The following MAST4 variants were observed in gnomAD, a reference collection of about 807,000 sequenced individuals.
MAST4 encodes the protein microtubule associated serine/threonine kinase family member 4.
Under a neutral mutation model 162.7 loss-of-function variants are expected in MAST4, and 89 were observed. The observed-to-expected ratio is 0.55, with a 90% confidence interval of 0.46 to 0.65. MAST4 has a LOEUF of 0.65. Ranked by LOEUF, MAST4 falls within the 30% of genes least tolerant of loss-of-function variation. The pLI is 0.00. For missense variants in MAST4, 3,153 were observed against 3,374.0 expected, an observed-to-expected ratio of 0.93 and a Z score of 1.62; for synonymous variants, 1,479 against 1,361.1, an observed-to-expected ratio of 1.09 and a Z score of -1.91.
chr5:66,853,500 T>C (rs1013892473), intron 3 of MAST4, among the ~76,000 whole-genome samples: 2 of 152,182 alleles, frequency 1.3e-5, no homozygotes, highest in African/African-American at 4.8e-5. Flanking sequence ...CTTGTTAGTA[T>C]ATGGTGAGAG....
intron 4 of MAST4, among the ~76,000 whole-genome samples, chr5:66,989,045 G>A (rs753592244): frequency 6.6e-6 from 1 of 152,120 alleles, no homozygotes; most frequent in Non-Finnish European, 1.5e-5. Flanking sequence ...GAATTCCCCA[G>A]TGTGTGTGAG....
intron 4 of MAST4, among the ~76,000 whole-genome samples, chr5:66,982,917 G>T (rs147142521): frequency 6.6e-6 from 1 of 152,274 alleles, no homozygotes; most frequent in East Asian, 1.9e-4. Flanking sequence ...TGTCTAGCTG[G>T]ATTTAGTTTT....
chr5:66,931,878 A>T (rs757312644), intron 4 of MAST4, among the ~76,000 whole-genome samples: 18 of 152,138 alleles, frequency 1.2e-4, no homozygotes, highest in Non-Finnish European at 2.5e-4. Flanking sequence ...GTGTGATCTC[A>T]CCAAAGCTTT....
At chr5:66,912,415 T>C (rs1186658019) in intron 4 of MAST4, among the ~76,000 whole-genome samples, 1 of 152,228 alleles carries the variant, frequency 6.6e-6, no homozygotes, top group Non-Finnish European at 1.5e-5. Flanking sequence ...GTTTTTCTTA[T>C]GTCTAGAATA....
chr5:67,145,471 A>C, intron 23 of MAST4, 92 bp downstream of exon 23: 1 of 1,012,634 alleles, frequency 9.9e-7, no homozygotes, highest in Non-Finnish European at 1.5e-6. Flanking sequence ...CAGGCAGTAA[A>C]GATGGGTGTT....
chr5:66,599,918 G>T (rs112385313), intron 1 of MAST4, among the ~76,000 whole-genome samples: 3 of 149,974 alleles, frequency 2.0e-5, no homozygotes, highest in Non-Finnish European at 4.5e-5. Flanking sequence ...TTTCTAAAGG[G>T]GTGTGTGTGT....
At chr5:66,788,607 C>CCCAGCACAAAA in intron 2 of MAST4, 63 bp from the exon 3 acceptor site, 1 of 1,373,728 alleles carries the variant, frequency 7.3e-7, no homozygotes, top group Non-Finnish European at 1.0e-6. Context: ...CCCCCACCCC[C>CCCAGCACAAAA]ATTGCAATAA....
At chr5:67,038,198 G>T (rs1380949704) in intron 4 of MAST4, among the ~76,000 whole-genome samples, 1 of 149,624 alleles carries the variant, frequency 6.7e-6, no homozygotes, top group African/African-American at 2.5e-5. Flanking sequence ...TAGTTTAGAT[G>T]ATTTTATATG....
chr5:66,916,034 G>C (rs1319118043), intron 4 of MAST4, among the ~76,000 whole-genome samples: 2 of 152,192 alleles, frequency 1.3e-5, no homozygotes, highest in Non-Finnish European at 2.9e-5. Flanking sequence ...TTGCAATGCG[G>C]CTAGGCCAAA....
chr5:66,991,993 G>A (rs1750113217), intron 4 of MAST4, among the ~76,000 whole-genome samples: 1 of 152,324 alleles, frequency 6.6e-6, no homozygotes, highest in East Asian at 1.9e-4. Flanking sequence ...CATGGAGCAA[G>A]TTACTAAAGA....
rs1773584249 is a variant in MAST4 at position 67,164,177 on chromosome 5, G to A, written c.4998G>A (p.Lys1666=). 6.2e-7 allele frequency: 1 copy of A among 1,611,384 alleles called. No homozygotes were observed. The highest frequency in any genetic ancestry group is 8.5e-7 in the Non-Finnish European group (1 of 1,178,808). ...GISGKGEGTE[K]SSQAKELLRC... is the part of the protein sequence containing the mutation. ...CTGGGAAGGGGGAAGGCACGGAGAA[G>A]TCCTCCCAGGCCAAGGAGCTTCTCC... The change falls in exon 29 of 29, where the codon AAG becomes AAA. Residue 1666 remains lysine, a synonymous_variant. Transcript: ENST00000403625. The surrounding 1 kb of genome is among the most constrained non-coding windows in gnomAD (Gnocchi z 5.3).
chr5:67,083,940 G>A (rs191296713), intron 5 of MAST4, among the ~76,000 whole-genome samples: 58 of 152,234 alleles, frequency 3.8e-4, no homozygotes, highest in Admixed American at 3.6e-3. Context: ...CTTTACTTGG[G>A]ATCACCTTGA....
chr5:66,784,138 C>G (rs913070422), intron 2 of MAST4, among the ~76,000 whole-genome samples: 3 of 152,094 alleles, frequency 2.0e-5, no homozygotes, highest in Non-Finnish European at 2.9e-5. Context: ...GCTTTTCAAC[C>G]TAGGACGTAG....
At chr5:66,624,513 A>T (rs2149412088) in intron 1 of MAST4, among the ~76,000 whole-genome samples, 1 of 148,988 alleles carries the variant, frequency 6.7e-6, no homozygotes, top group African/African-American at 2.5e-5. Flanking sequence ...CAAACTCTCA[A>T]TGGTATCTTT....
At chr5:66,701,701 G>A (rs564707099) in intron 1 of MAST4, among the ~76,000 whole-genome samples, 54 of 152,262 alleles carry the variant, frequency 3.5e-4, no homozygotes, top group African/African-American at 1.3e-3. Context: ...AAAAAATAAG[G>A]TCAGGTCCTG....
At chr5:67,051,216 G>C (rs1433437630) in intron 4 of MAST4, among the ~76,000 whole-genome samples, 1 of 148,996 alleles carries the variant, frequency 6.7e-6, no homozygotes, top group East Asian at 2.0e-4. Context: ...AATTGACTTA[G>C]TTGTGCTGGT....
At chr5:67,036,374 A>G (rs1171301232) in intron 4 of MAST4, among the ~76,000 whole-genome samples, 1 of 152,182 alleles carries the variant, frequency 6.6e-6, no homozygotes, top group East Asian at 1.9e-4. Context: ...CTAGAGTACA[A>G]GCATACCTAC....
chr5:67,155,984 G>T (rs530791661), intron 26 of MAST4, among the ~76,000 whole-genome samples: 1 of 151,788 alleles, frequency 6.6e-6, no homozygotes, highest in East Asian at 1.9e-4. Flanking sequence ...TCTTGAACCC[G>T]GGAGGCGGAG....
chr5:66,867,109 TCAAATATATGCTCCGATATATGA>T (rs1480887883), intron 3 of MAST4, among the ~76,000 whole-genome samples: 8 of 152,158 alleles, frequency 5.3e-5, no homozygotes, highest in Non-Finnish European at 1.0e-4. Flanking sequence ...TGGGAGGCCC[TCAAATATATGCTCCGATATATGA>T]TTTTCTGGTT....
Sources: gnomAD v4.1 joint callset for allele counts (sites outside exome capture counted in the v4.1 genomes callset) on GRCh38, gnomAD v4.1.1 for gene constraint, Gnocchi (gnomAD v3.1) non-coding constraint, MANE v1.5 for transcripts, NCBI Gene and HGNC (gene_info 2026-07-23, HGNC 2026-07-21) for gene names.